ZZEF1: variants seen among roughly 807,000 people sequenced by gnomAD.
The protein encoded by ZZEF1 is zinc finger ZZ-type and EF-hand domain containing 1, also known as zinc finger ZZ-type and EF-hand domain-containing protein 1.
ZZEF1 carries 157 observed loss-of-function variants against 342.8 expected under a neutral mutation model. The observed-to-expected ratio is 0.46, with a 90% confidence interval of 0.40 to 0.52. The LOEUF (loss-of-function observed/expected upper bound fraction) is 0.52. Ranked by LOEUF, ZZEF1 falls within the 20% of genes least tolerant of loss-of-function variation. ZZEF1 has a pLI of 0.00. For synonymous variants in ZZEF1, 1,505 were observed against 1,429.1 expected (o/e 1.05, Z -1.20); for missense variants, 3,480 against 3,725.6 (o/e 0.93, Z 1.72).
intron 6 of ZZEF1, among the ~76,000 whole-genome samples, chr17:4,108,525 G>C (rs1879367684): frequency 1.3e-5 from 2 of 152,308 alleles, no homozygotes; most frequent in East Asian, 1.9e-4. Context: ...TGCTGTAAGG[G>C]GCGTGACTGG....
At chr17:4,140,451 C>T (rs2058825225) in intron 1 of ZZEF1, among the ~76,000 whole-genome samples, 1 of 152,168 alleles carries the variant, frequency 6.6e-6, no homozygotes, top group African/African-American at 2.4e-5. Context: ...ATACCTTCCC[C>T]CTCGGTTAAC....
rs767675501 is a variant in ZZEF1, at chr17:4,032,899, T to C, written c.6688A>G (p.Ile2230Val). The C allele has an allele frequency of 1.2e-6, 2 of 1,613,938 alleles. No homozygotes were observed. Among genetic ancestry groups the C allele is most frequent in the Non-Finnish European group, 1.7e-6 (2 of 1,179,992 alleles). ...TTCAGCTGGAATGGCAGCTGCTTGA[T>C]GCAGTGGTCTGTGAAGGTGGCAATG... is the stretch of plus-strand genomic sequence containing the variant. Reference protein sequence around the residue: ...DVIATFTDHCIKQLPFQLKHT... With the variant: ...DVIATFTDHCVKQLPFQLKHT... Residue 2230 changes from isoleucine to valine, a missense_variant, in exon 41 of 55, where the codon ATC becomes GTC. Ile to Val is a conservative substitution (Grantham distance 29, BLOSUM62 3). This residue lies in a region of ZZEF1 where 1,269 missense variants were observed against 1,342.4 expected (regional missense o/e 0.95). Transcript: ENST00000381638.
In ZZEF1 at chr17:4,049,794, G is replaced by C; in HGVS notation, c.5929C>G (p.Leu1977Val). The C allele has an allele frequency of 6.2e-7, 1 of 1,614,128 alleles. No homozygotes were observed. Among genetic ancestry groups the C allele is most frequent in the East Asian group, 2.2e-5 (1 of 44,870 alleles). ...GCTCCGGTGGGCACAGTGACTGGTA[G>C]GGCCTGATCTTCTAGGCTCGAGTCC... ...DGDSSLEDQA[L>V]PVTVPTGASE... Residue 1977 changes from leucine to valine, a missense_variant, in exon 37 of 55, where the codon CTA (leucine) becomes GTA (valine). Physicochemically the swap from Leu to Val is conservative, Grantham distance 32. This residue lies in a region of ZZEF1 where 1,269 missense variants were observed against 1,342.4 expected (regional missense o/e 0.95). Transcript: ENST00000381638.
chr17:4,059,186 C>CTAAA lies in ZZEF1; in HGVS notation c.4984_4987dup (p.Ser1663IlefsTer2). The CTAAA allele has an allele frequency of 6.3e-7, 1 of 1,597,168 alleles. No individual in the cohort carries two copies. Among genetic ancestry groups the CTAAA allele is most frequent in the Non-Finnish European group, 8.5e-7 (1 of 1,176,702 alleles). On this transcript the variant is annotated stop_gained and frameshift_variant, in exon 31 of 55. Coordinates refer to ENST00000381638, the MANE Select transcript of ZZEF1 (RefSeq NM_015113.4). LOFTEE classifies it high-confidence loss of function. ...TATCCAGTACCTGTCATTTAGGCTA[C>CTAAA]TAAATCCTTTAACTGCTTTGACCAA...
At position 4,062,818 on chromosome 17, in the gene ZZEF1, GT is replaced by G; in HGVS notation, c.4817del (p.His1606ProfsTer15). The G allele has an allele frequency of 6.2e-7, 1 of 1,613,526 alleles. No individual in the cohort carries two copies. The highest frequency in any genetic ancestry group is 8.5e-7 in the Non-Finnish European group (1 of 1,179,774). On this transcript the variant is annotated frameshift_variant, in exon 30 of 55. Transcript: ENST00000381638. LOFTEE classifies it high-confidence loss of function. ...QHCAESLGQP[H>X]CFHPPFILFL... ...AAAGTATGAAAGGTGGATGGAAGCA[GT>G]GGGGCTGCCCAAGGGATTCTGCACA...
At chr17:4,086,288 A>C (rs1254050906) in intron 15 of ZZEF1, among the ~76,000 whole-genome samples, 198 bp downstream of exon 15, 2 of 26,500 alleles carry the variant, frequency 7.5e-5, no homozygotes, top group African/African-American at 2.2e-4. Context: ...CCACAGCGGC[A>C]ATCCCTTTCT....
chr17:4,095,828 TA>T lies in ZZEF1; in HGVS notation c.1913+2del. 1 of 1,604,470 alleles carries T rather than the reference TA, an allele frequency of 6.2e-7. No individual in the cohort carries two copies. The highest frequency in any genetic ancestry group is 8.5e-7 in the Non-Finnish European group (1 of 1,175,194). On this transcript the variant is annotated splice_donor_variant, in intron 11 of 54. Transcript: ENST00000381638. LOFTEE classifies it high-confidence loss of function. ...GTTCTACAAAGATTTTTTACCTTCT[TA>T]CCTGCTTTTTACAAATTGCCTGAGC...
intron 39 of ZZEF1, among the ~76,000 whole-genome samples, chr17:4,035,590 G>C (rs985905471): frequency 6.6e-6 from 1 of 152,222 alleles, no homozygotes. Context: ...CTTGGGCTCC[G>C]AGTGAGGTGA....
intron 21 of ZZEF1, 68 bp downstream of exon 21, chr17:4,076,569 C>T (rs757921052): frequency 6.4e-7 from 1 of 1,559,398 alleles, no homozygotes; most frequent in South Asian, 1.1e-5. Context: ...CCGTGGTCCA[C>T]TTCACTAAGT....
intron 8 of ZZEF1, among the ~76,000 whole-genome samples, chr17:4,103,825 C>T (rs563415669): frequency 1.8e-4 from 28 of 152,302 alleles, no homozygotes; most frequent in African/African-American, 6.5e-4. Flanking sequence ...GAGAGTGACA[C>T]AGGAGGATCA....
At chr17:4,010,963 T>C (rs904286554) in intron 52 of ZZEF1, among the ~76,000 whole-genome samples, 2 of 151,864 alleles carry the variant, frequency 1.3e-5, no homozygotes, top group Non-Finnish European at 2.9e-5. Context: ...GTGGCTCATA[T>C]TTATAGTCCT....
At chr17:4,057,848 G>T (rs904913465) in intron 32 of ZZEF1, 146 bp downstream of exon 32, 2 of 723,378 alleles carry the variant, frequency 2.8e-6, no homozygotes, top group African/African-American at 1.8e-5. Context: ...TAAGACTTGC[G>T]CAAGGCCACT....
rs748837168 is a variant in ZZEF1, at chr17:4,082,500, A to T, written c.2651T>A (p.Val884Asp). ...RRNHLFTMMN[V>D]TEQEHKQSLQ... ...GGACTGCTTGTGCTCCTGCTCGGTGACATTCTTCTAGAAAACCAGAAATTG... is the reference window on the plus strand; with the variant it reads ...GGACTGCTTGTGCTCCTGCTCGGTGTCATTCTTCTAGAAAACCAGAAATTG... The change falls in exon 17 of 55, where the codon GTC becomes GAC. Residue 884 changes from valine (V) to aspartate (D), a missense_variant. Val to Asp is a radical substitution (Grantham distance 152). Around this residue, in one of 5 missense-constraint regions of ZZEF1, gnomAD observed 1,528 missense variants for 1,624.1 expected, o/e 0.94. Transcript: ENST00000381638. 1.2e-6 allele frequency: 2 copies of T among 1,613,782 alleles called. No homozygotes were observed. The highest frequency in any genetic ancestry group is 1.7e-6 in the Non-Finnish European group (2 of 1,179,924).
At chr17:4,034,375 A>G in intron 39 of ZZEF1, 83 bp from the exon 40 acceptor site, 1 of 1,449,184 alleles carries the variant, frequency 6.9e-7, no homozygotes, top group Non-Finnish European at 9.4e-7. Context: ...CTCCTACCTT[A>G]TTTACAGCTG....
At position 4,022,719 on chromosome 17, in the gene ZZEF1, C is replaced by T. The variant is rs143927439; in HGVS notation, c.7202G>A (p.Arg2401Gln). ...CCTCTCGTCTCTTACTTCCAGGTCC[C>T]GGAGGAGCCACGTTTTACTAAAGCC... ...GTGFSKTWLL[R>Q]DLEILSIMLY... The change falls in exon 44 of 55, where the codon CGG (arginine) becomes CAG (glutamine). Residue 2401 changes from arginine (R) to glutamine (Q), a missense_variant. Arg to Gln is a conservative substitution (Grantham distance 43). Around this residue, in one of 5 missense-constraint regions of ZZEF1, gnomAD observed 1,269 missense variants for 1,342.4 expected, o/e 0.95. Coordinates refer to ENST00000381638, the MANE Select transcript of ZZEF1 (RefSeq NM_015113.4). 4.8e-5 allele frequency: 77 copies of T among 1,613,624 alleles called. No individual in the cohort carries two copies. In the African/African-American group the frequency reaches 5.1e-4, roughly 11 times the overall value.
chr17:4,091,473 C>T (rs1336931876), intron 11 of ZZEF1, among the ~76,000 whole-genome samples: 2 of 152,194 alleles, frequency 1.3e-5, no homozygotes, highest in Non-Finnish European at 2.9e-5. Context: ...ATGCTACTCC[C>T]TTTTCAGGAA....
intron 5 of ZZEF1, among the ~76,000 whole-genome samples, chr17:4,110,064 A>T (rs1033775637): frequency 6.6e-6 from 1 of 152,216 alleles, no homozygotes; most frequent in African/African-American, 2.4e-5. Flanking sequence ...CTAAGAAATC[A>T]TAAGAATAAT....
At chr17:4,093,808 T>C (rs1273963249) in intron 11 of ZZEF1, among the ~76,000 whole-genome samples, 3 of 151,416 alleles carry the variant, frequency 2.0e-5, no homozygotes, top group Non-Finnish European at 2.9e-5. Flanking sequence ...TTTTTTTTTC[T>C]TGTCTTAGCT....
At chr17:4,134,750 A>T (rs1779774489) in intron 1 of ZZEF1, among the ~76,000 whole-genome samples, 1 of 152,114 alleles carries the variant, frequency 6.6e-6, no homozygotes, top group African/African-American at 2.4e-5. Flanking sequence ...AGATGCCACA[A>T]TTAACCACTA....
Sources: gnomAD v4.1 joint callset for allele counts (sites outside exome capture counted in the v4.1 genomes callset) on GRCh38, gnomAD v4.1.1 for gene constraint, gnomAD v4.1.1 regional missense constraint, MANE v1.5 for transcripts, NCBI Gene and HGNC (gene_info 2026-07-23, HGNC 2026-07-21) for gene names.